The following SLC9A9 variants were observed in gnomAD, a reference collection of about 807,000 sequenced individuals.
SLC9A9 encodes sodium/hydrogen exchanger 9.
In SLC9A9, 62 loss-of-function variants were observed where a neutral mutation model predicts 77.8. The ratio of observed to expected loss-of-function variants is 0.80; its 90% CI spans 0.65 to 0.98. SLC9A9 has a LOEUF of 0.98. Ranked by LOEUF, SLC9A9 falls within the 50% of genes least tolerant of loss-of-function variation. The pLI, the probability that SLC9A9 is intolerant of heterozygous loss-of-function variation, is 0.00. For synonymous variants in SLC9A9, 320 were observed against 283.5 expected (o/e 1.13, Z -1.29); for missense variants, 775 against 774.9 (o/e 1.00, Z 0.00).
At chr3:143,373,282 G>A (rs2108491804) in intron 13 of SLC9A9, among the ~76,000 whole-genome samples, 1 of 152,232 alleles carries the variant, frequency 6.6e-6, no homozygotes, top group South Asian at 2.1e-4. Context: ...AAGAATGAAT[G>A]AAATAATGTC....
At chr3:143,390,626 C>T (rs537510999) in intron 12 of SLC9A9, among the ~76,000 whole-genome samples, 51 of 152,152 alleles carry the variant, frequency 3.4e-4, no homozygotes, top group African/African-American at 8.9e-4. Flanking sequence ...TGCAGCACAC[C>T]GAGTGTGAGC....
intron 12 of SLC9A9, among the ~76,000 whole-genome samples, chr3:143,418,259 C>T (rs558904108): frequency 1.3e-4 from 20 of 151,734 alleles, no homozygotes; most frequent in East Asian, 3.9e-4. Flanking sequence ...AGATTAAACT[C>T]GCTGTGCCTT....
At chr3:143,791,980 G>T (rs565944214) in intron 4 of SLC9A9, among the ~76,000 whole-genome samples, 1 of 152,134 alleles carries the variant, frequency 6.6e-6, no homozygotes, top group African/African-American at 2.4e-5. Context: ...AGTAAAGCAC[G>T]TTTTTGGCAT....
At chr3:143,690,344 A>G (rs1933420833) in intron 5 of SLC9A9, among the ~76,000 whole-genome samples, 1 of 152,102 alleles carries the variant, frequency 6.6e-6, no homozygotes, top group Non-Finnish European at 1.5e-5. Context: ...TTGTGATATA[A>G]TTTCTCCTTT....
intron 12 of SLC9A9, among the ~76,000 whole-genome samples, chr3:143,461,704 T>C (rs1421249564): frequency 1.3e-5 from 2 of 152,330 alleles, no homozygotes; most frequent in South Asian, 2.1e-4. Context: ...TGTGTATTGA[T>C]AGACTACATT....
chr3:143,516,251 A>C lies in SLC9A9; in HGVS notation c.1090-20803T>G, dbSNP rs577503225. Among the ~76,000 whole-genome samples, 743 of 134,112 alleles carry C rather than the reference A, an allele frequency of 5.5e-3. 3 individuals are homozygous for C. Among genetic ancestry groups the C allele is most frequent in the African/African-American group, 0.018 (707 of 38,264 alleles). The allele number at this position is 134,112 out of a possible 152,430, so 88.0% of individuals were successfully genotyped here. On this transcript the variant is annotated intron_variant, in intron 9 of 15. Coordinates refer to ENST00000316549, the MANE Select transcript of SLC9A9 (RefSeq NM_173653.4). ...ATTGCTTATTTTTGCTCTCTCTCTG[A>C]CTTATCAAAATTGTCTATTTTATTT...
intron 13 of SLC9A9, among the ~76,000 whole-genome samples, chr3:143,365,350 T>C (rs1409234136): frequency 6.6e-6 from 1 of 152,150 alleles, no homozygotes; most frequent in Non-Finnish European, 1.5e-5. Context: ...TGAAACAATC[T>C]ATATCACAAA....
At chr3:143,569,289 A>C (rs1172022142) in intron 8 of SLC9A9, among the ~76,000 whole-genome samples, 2 of 151,644 alleles carry the variant, frequency 1.3e-5, no homozygotes, top group African/African-American at 4.8e-5. Flanking sequence ...CATGAAGCTG[A>C]AATAATTGAC....
chr3:143,698,641 T>C (rs1345704533), intron 4 of SLC9A9, among the ~76,000 whole-genome samples: 1 of 152,244 alleles, frequency 6.6e-6, no homozygotes, highest in Non-Finnish European at 1.5e-5. Context: ...GTTTGGATGA[T>C]TTAAAAATAT....
chr3:143,582,156 T>G (rs2108667084), intron 6 of SLC9A9, among the ~76,000 whole-genome samples: 1 of 152,300 alleles, frequency 6.6e-6, no homozygotes, highest in Admixed American at 6.5e-5. Flanking sequence ...GTGGGTACTT[T>G]TATGGGTATC....
At chr3:143,443,684 C>T (rs1429268933) in intron 12 of SLC9A9, among the ~76,000 whole-genome samples, 1 of 152,162 alleles carries the variant, frequency 6.6e-6, no homozygotes, top group African/African-American at 2.4e-5. Flanking sequence ...GAATAAAAGG[C>T]AATATTCCCA....
intron 6 of SLC9A9, among the ~76,000 whole-genome samples, chr3:143,624,946 T>A (rs375827651): frequency 6.6e-6 from 1 of 151,954 alleles, no homozygotes. Context: ...GTGCAAAAAT[T>A]ACAAGCATTC....
chr3:143,375,410 G>C (rs892097116), intron 13 of SLC9A9, among the ~76,000 whole-genome samples: 1 of 152,074 alleles, frequency 6.6e-6, no homozygotes, highest in Non-Finnish European at 1.5e-5. Flanking sequence ...ATTTTCTCTG[G>C]TCAACAGAAT....
chr3:143,618,385 C>A (rs528227505), intron 6 of SLC9A9, among the ~76,000 whole-genome samples: 1 of 152,218 alleles, frequency 6.6e-6, no homozygotes, highest in East Asian at 1.9e-4. Flanking sequence ...TCAGAGCCTT[C>A]CATAATAGGA....
chr3:143,276,522 C>A (rs1439756736), intron 14 of SLC9A9, among the ~76,000 whole-genome samples: 2 of 152,118 alleles, frequency 1.3e-5, no homozygotes, highest in Non-Finnish European at 2.9e-5. Context: ...CTAGGAATTG[C>A]ATTTTATCTG....
intron 9 of SLC9A9, among the ~76,000 whole-genome samples, chr3:143,535,881 G>A (rs2036582509): frequency 1.3e-5 from 2 of 152,110 alleles, no homozygotes; most frequent in South Asian, 4.1e-4. Flanking sequence ...GACAAGATGA[G>A]TTTTCTCCTA....
Position 143,265,967 on chromosome 3 carries a change from C to T in SLC9A9, c.*735G>A, listed in dbSNP as rs182886887. On this transcript the variant is annotated 3_prime_UTR_variant, in exon 16 of 16. Coordinates refer to ENST00000316549, the MANE Select transcript of SLC9A9 (RefSeq NM_173653.4). The stretch of plus-strand genomic sequence containing the variant: ...GGGAAGGCTTGTTCTTCAGGCACAA[C>T]GTGGTATGGGGAGAAGAAACCTGGT... 82 of 674,374 alleles carry T rather than the reference C, an allele frequency of 1.2e-4. No individual in the cohort carries two copies. The highest frequency in any genetic ancestry group is 5.4e-5 in the Non-Finnish European group (20 of 370,952). 41.8% of individuals were successfully genotyped at this position (674,374 alleles called of 1,614,324 possible). A position where few individuals can be genotyped will look rare whatever the true frequency, so the allele number is the denominator to read the frequency against.
intron 12 of SLC9A9, among the ~76,000 whole-genome samples, chr3:143,458,994 C>T (rs146162432): frequency 1.4e-4 from 22 of 152,106 alleles, no homozygotes; most frequent in Non-Finnish European, 2.4e-4. Context: ...TTCAAGTTCA[C>T]GGAATCTTTC....
At chr3:143,448,872 A>G (rs1227915479) in intron 12 of SLC9A9, among the ~76,000 whole-genome samples, 1 of 34,696 alleles carries the variant, frequency 2.9e-5, no homozygotes, top group Non-Finnish European at 3.8e-5. Flanking sequence ...TATATTATAT[A>G]ATATGATATA....
Sources: allele counts gnomAD v4.1 joint callset (sites outside exome capture counted in the v4.1 genomes callset), GRCh38; gene constraint gnomAD v4.1.1; transcripts MANE v1.5; gene names NCBI Gene and HGNC (gene_info 2026-07-23, HGNC 2026-07-21).